The following CDH8 variants were observed in gnomAD, a reference collection of about 807,000 sequenced individuals.
CDH8 encodes cadherin 8, also known as cadherin-8.
Under a neutral mutation model 68.1 loss-of-function variants are expected in CDH8, and 17 were observed. That is an observed-to-expected ratio of 0.25 (90% CI 0.17 to 0.37). CDH8 has a LOEUF of 0.37. Ranked by LOEUF, CDH8 falls within the 10% of genes least tolerant of loss-of-function variation. CDH8 has a pLI of 1.00. For missense variants in CDH8, 763 were observed against 999.3 expected (o/e 0.76, Z 3.19); for synonymous variants, 372 against 365.1 (o/e 1.02, Z -0.21).
At chr16:61,845,467 G>A (rs1386978158) in intron 4 of CDH8, among the ~76,000 whole-genome samples, 1 of 138,504 alleles carries the variant, frequency 7.2e-6, no homozygotes, top group Non-Finnish European at 1.5e-5. Flanking sequence ...TTTACCGCAC[G>A]TGAAAACTAC....
chr16:61,657,036 T>C (rs1290945866), intron 10 of CDH8, among the ~76,000 whole-genome samples: 2 of 145,868 alleles, frequency 1.4e-5, no homozygotes, highest in East Asian at 3.9e-4. Flanking sequence ...CCTAGTGTTA[T>C]TTGGGCAAAA....
rs1254818022 is a variant in CDH8, at chr16:61,653,888, A to G, written c.2120T>C (p.Met707Thr). 2 of 1,614,118 alleles carry G rather than the reference A, an allele frequency of 1.2e-6. No individual in the cohort carries two copies. The highest frequency in any genetic ancestry group is 2.2e-5 in the East Asian group (1 of 44,882). The change falls in exon 12 of 12, where the codon ATG becomes ACG. Residue 707 changes from methionine (M) to threonine (T), a missense_variant. Met to Thr is a moderately conservative substitution (Grantham distance 81, BLOSUM62 -1). Coordinates refer to ENST00000577390, the MANE Select transcript of CDH8 (RefSeq NM_001796.5). Reference protein sequence around the residue: ...RKDIKPDLQFMPRQGLAPVPN... With the variant: ...RKDIKPDLQFTPRQGLAPVPN... ...AACTGGAGCAAGCCCTTGCCTTGGC[A>G]TAAACTGCAAATCTGGTTTAATATC... is the stretch of plus-strand genomic sequence containing the variant.
intron 10 of CDH8, among the ~76,000 whole-genome samples, chr16:61,705,994 G>A (rs1964522619): frequency 6.6e-6 from 1 of 152,052 alleles, no homozygotes; most frequent in Admixed American, 6.6e-5. Flanking sequence ...AATTCTTAAG[G>A]GTGTGCCTGG....
At chr16:61,989,087 T>G (rs2150587862) in intron 2 of CDH8, among the ~76,000 whole-genome samples, 1 of 152,324 alleles carries the variant, frequency 6.6e-6, no homozygotes, top group Non-Finnish European at 1.5e-5. Flanking sequence ...ATGTGAGACT[T>G]GCAAGAAACT....
At chr16:61,844,980 A>G (rs533192478) in intron 4 of CDH8, among the ~76,000 whole-genome samples, 3 of 152,326 alleles carry the variant, frequency 2.0e-5, no homozygotes, top group South Asian at 4.1e-4. Context: ...TGAATTGACT[A>G]AAGTCATACA....
chr16:61,686,244 A>G (rs1335023757), intron 10 of CDH8, among the ~76,000 whole-genome samples: 1 of 152,022 alleles, frequency 6.6e-6, no homozygotes, highest in East Asian at 1.9e-4. Context: ...GTCCAGGAAT[A>G]CCTCCAATCT....
chr16:62,007,649 A>G (rs190901099), intron 2 of CDH8, among the ~76,000 whole-genome samples: 189 of 152,312 alleles, frequency 1.2e-3, no homozygotes, highest in African/African-American at 4.4e-3. Flanking sequence ...ACAAAAGTAT[A>G]CATTAACCCA....
chr16:61,858,140 G>A (rs951695284), intron 3 of CDH8, among the ~76,000 whole-genome samples: 4 of 151,908 alleles, frequency 2.6e-5, no homozygotes, highest in Non-Finnish European at 5.9e-5. Context: ...CAGTTCGAGG[G>A]GGAATAAGAG....
chr16:61,938,675 C>T (rs1306151494), intron 2 of CDH8, among the ~76,000 whole-genome samples: 1 of 152,012 alleles, frequency 6.6e-6, no homozygotes, highest in Non-Finnish European at 1.5e-5. Context: ...GAGAAAAATC[C>T]CTCAAATTTG....
chr16:61,653,163 T>G lies in CDH8; in HGVS notation c.*445A>C. 8.1e-7 allele frequency: 1 copy of G among 1,230,920 alleles called. No individual in the cohort carries two copies. Among genetic ancestry groups the G allele is most frequent in the African/African-American group, 1.6e-5 (1 of 64,406 alleles). 76.2% of individuals were successfully genotyped at this position (1,230,920 alleles called of 1,614,324 possible). The stretch of plus-strand genomic sequence containing the variant: ...TGCTTTATCATTTGTGGCGGGATCC[T>G]TATTGGTGAAGGGGAAAAAACCATT... On this transcript the variant is annotated 3_prime_UTR_variant, in exon 12 of 12. Coordinates refer to ENST00000577390, the MANE Select transcript of CDH8 (RefSeq NM_001796.5).
chr16:61,782,938 C>T (rs1010976711), intron 8 of CDH8, among the ~76,000 whole-genome samples: 1 of 151,960 alleles, frequency 6.6e-6, no homozygotes, highest in African/African-American at 2.4e-5. Flanking sequence ...CCTATCTGTA[C>T]ATCACCATCA....
At chr16:61,864,415 T>C (rs1963215220) in intron 3 of CDH8, among the ~76,000 whole-genome samples, 1 of 152,074 alleles carries the variant, frequency 6.6e-6, no homozygotes. Flanking sequence ...ACCGACCTGA[T>C]GTGCTGAAGG....
chr16:61,749,880 G>A (rs2142944701), intron 8 of CDH8, among the ~76,000 whole-genome samples: 1 of 152,038 alleles, frequency 6.6e-6, no homozygotes, highest in Admixed American at 6.6e-5. Flanking sequence ...GTACTTTACT[G>A]GCACCTTTTA....
intron 3 of CDH8, among the ~76,000 whole-genome samples, chr16:61,900,599 A>G (rs1246564130): frequency 6.6e-6 from 1 of 152,212 alleles, no homozygotes; most frequent in Non-Finnish European, 1.5e-5. Flanking sequence ...GGAGTCTTCA[A>G]TGACTCAGAA....
At chr16:61,961,744 C>T (rs999641885) in intron 2 of CDH8, among the ~76,000 whole-genome samples, 3 of 152,186 alleles carry the variant, frequency 2.0e-5, no homozygotes, top group African/African-American at 7.2e-5. Context: ...TCTTGTGCAC[C>T]TCTGTGCCTC....
At chr16:61,765,231 G>A (rs1282121458) in intron 8 of CDH8, among the ~76,000 whole-genome samples, 1 of 151,940 alleles carries the variant, frequency 6.6e-6, no homozygotes, top group African/African-American at 2.4e-5. Flanking sequence ...AAACTTATCT[G>A]AGAAACTATG....
intron 8 of CDH8, among the ~76,000 whole-genome samples, chr16:61,742,265 T>C (rs1014753367): frequency 9.2e-5 from 14 of 152,166 alleles, no homozygotes; most frequent in Non-Finnish European, 2.1e-4. Context: ...TATTTTTGTA[T>C]TTTTGTACTC....
intron 8 of CDH8, among the ~76,000 whole-genome samples, chr16:61,763,933 CA>C (rs941955896): frequency 6.6e-6 from 1 of 152,066 alleles, no homozygotes; most frequent in Non-Finnish European, 1.5e-5. Flanking sequence ...TAATAGTTAA[CA>C]ATCGCAACTA....
At chr16:61,796,157 GAAAT>G (rs1416143189) in intron 7 of CDH8, among the ~76,000 whole-genome samples, 1 of 151,338 alleles carries the variant, frequency 6.6e-6, no homozygotes, top group Non-Finnish European at 1.5e-5. Flanking sequence ...GAGAAAAAGA[GAAAT>G]AAAAAAGGGA....
Sources: allele counts gnomAD v4.1 joint callset (sites outside exome capture counted in the v4.1 genomes callset), GRCh38; gene constraint gnomAD v4.1.1; transcripts MANE v1.5; gene names NCBI Gene and HGNC (gene_info 2026-07-23, HGNC 2026-07-21).